The following MARCHF1 variants were observed in gnomAD, a reference collection of about 807,000 sequenced individuals.
MARCHF1 encodes the protein membrane associated ring-CH-type finger 1.
In MARCHF1, 40 loss-of-function variants were observed where a neutral mutation model predicts 54.2. The ratio of observed to expected loss-of-function variants is 0.74; its 90% CI spans 0.57 to 0.96. MARCHF1 has a LOEUF of 0.96. MARCHF1 is among the 40% of genes least tolerant of loss of function. The pLI is 0.00. For missense variants in MARCHF1, 586 were observed against 656.5 expected (o/e 0.89, Z 1.17); for synonymous variants, 236 against 236.3 (o/e 1.00, Z 0.01).
chr4:163,850,084 T>C (rs908808610), intron 4 of MARCHF1, among the ~76,000 whole-genome samples: 2 of 152,208 alleles, frequency 1.3e-5, no homozygotes, highest in Non-Finnish European at 2.9e-5. Flanking sequence ...GTTTATCCTG[T>C]TTCTGTCAGT....
At chr4:163,937,105 G>A (rs866024413) in intron 3 of MARCHF1, among the ~76,000 whole-genome samples, 6 of 152,096 alleles carry the variant, frequency 3.9e-5, no homozygotes, top group Non-Finnish European at 7.4e-5. Context: ...GTCTAGTGAT[G>A]TTCAGTAGTC....
intron 1 of MARCHF1, among the ~76,000 whole-genome samples, chr4:164,253,369 T>G (rs1733179548): frequency 6.6e-6 from 1 of 152,130 alleles, no homozygotes; most frequent in Admixed American, 6.6e-5. Context: ...TATATTCCAC[T>G]GAGTAGAAAA....
intron 2 of MARCHF1, among the ~76,000 whole-genome samples, chr4:164,029,568 C>CATAT (rs70948691): frequency 1.8e-3 from 272 of 151,150 alleles, no homozygotes; most frequent in Middle Eastern, 3.4e-3. Flanking sequence ...ATTAAATTGA[C>CATAT]ATATATATAT....
chr4:163,852,697 C>T (rs570640225), intron 4 of MARCHF1, among the ~76,000 whole-genome samples: 3 of 152,154 alleles, frequency 2.0e-5, no homozygotes, highest in Non-Finnish European at 4.4e-5. Flanking sequence ...CCTCACTTCT[C>T]TTTCTATGTT....
rs1269186698 is a variant in MARCHF1 at position 164,197,426 on chromosome 4, T to C, written c.-322-85764A>G. On this transcript the variant is annotated intron_variant, in intron 1 of 9. Coordinates refer to ENST00000514618, the MANE Select transcript of MARCHF1 (RefSeq NM_001394959.1). ...GGCTCTATTGTGCTGAGGTCTTTAA[T>C]TTTGTTGCCACTTAAATATAGATGC... The C allele has an allele frequency of 5.0e-6, 8 of 1,613,418 alleles. No homozygotes were observed. The Admixed American group carries it at 6.7e-5, about 13-fold the overall frequency.
intron 5 of MARCHF1, among the ~76,000 whole-genome samples, chr4:163,688,197 G>A (rs1730569067): frequency 6.6e-6 from 1 of 151,376 alleles, no homozygotes. Context: ...GGACTCAATT[G>A]TAACAAAAAA....
intron 5 of MARCHF1, among the ~76,000 whole-genome samples, chr4:163,621,637 A>G (rs1336534539): frequency 6.6e-6 from 1 of 152,160 alleles, no homozygotes; most frequent in African/African-American, 2.4e-5. Flanking sequence ...TTTTACTACA[A>G]TCTATAGAGA....
chr4:163,739,916 A>G (rs553987868), intron 4 of MARCHF1, among the ~76,000 whole-genome samples: 49 of 152,316 alleles, frequency 3.2e-4, no homozygotes, highest in African/African-American at 1.2e-3. Context: ...TCTCTTTGAG[A>G]GGGCATTCCA....
intron 4 of MARCHF1, among the ~76,000 whole-genome samples, chr4:163,851,433 C>T (rs1314184391): frequency 6.6e-6 from 1 of 152,088 alleles, no homozygotes; most frequent in Admixed American, 6.6e-5. Flanking sequence ...CTATGCTTCT[C>T]TTTTATATTG....
At chr4:163,666,280 T>C (rs1037569158) in intron 5 of MARCHF1, among the ~76,000 whole-genome samples, 1 of 152,128 alleles carries the variant, frequency 6.6e-6, no homozygotes, top group Non-Finnish European at 1.5e-5. Context: ...TATAATAATA[T>C]ATATTTTTTC....
intron 3 of MARCHF1, among the ~76,000 whole-genome samples, chr4:163,943,782 C>T (rs1290832828): frequency 6.7e-6 from 1 of 149,522 alleles, no homozygotes; most frequent in Admixed American, 6.6e-5. Context: ...ACCACACCTC[C>T]ATCCCTGGGC....
chr4:163,895,057 A>G (rs1750775653), intron 3 of MARCHF1, among the ~76,000 whole-genome samples: 1 of 151,836 alleles, frequency 6.6e-6, no homozygotes. Flanking sequence ...TATGCATGTG[A>G]TGCATAAATA....
intron 2 of MARCHF1, among the ~76,000 whole-genome samples, chr4:164,102,671 TA>T (rs1755593326): frequency 6.6e-6 from 1 of 151,618 alleles, no homozygotes; most frequent in Non-Finnish European, 1.5e-5. Flanking sequence ...TGCCAAAATG[TA>T]AAGACCATCG....
At chr4:163,794,832 A>G (rs186071371) in intron 4 of MARCHF1, among the ~76,000 whole-genome samples, 1 of 152,292 alleles carries the variant, frequency 6.6e-6, no homozygotes, top group African/African-American at 2.4e-5. Context: ...AACAGAACAC[A>G]TGAACATAAA....
chr4:163,980,172 T>C (rs1316467464), intron 3 of MARCHF1, among the ~76,000 whole-genome samples: 2 of 140,908 alleles, frequency 1.4e-5, no homozygotes, highest in East Asian at 2.0e-4. Flanking sequence ...AACAGAGATA[T>C]AGATCAATGG....
At chr4:164,181,564 G>A (rs974964894) in intron 1 of MARCHF1, among the ~76,000 whole-genome samples, 3 of 152,100 alleles carry the variant, frequency 2.0e-5, no homozygotes, top group African/African-American at 7.2e-5. Context: ...AAAACCCCCT[G>A]AAATAGTACC....
At chr4:163,642,743 T>G (rs190800336) in intron 5 of MARCHF1, among the ~76,000 whole-genome samples, 94 of 152,260 alleles carry the variant, frequency 6.2e-4, no homozygotes, top group African/African-American at 2.2e-3. Context: ...AGCTATAGGT[T>G]TCTGAGTCTG....
At chr4:163,763,233 G>A (rs13127646) in intron 4 of MARCHF1, among the ~76,000 whole-genome samples, 45,117 of 151,778 alleles carry the variant, frequency 0.3, 8,419 homozygotes, top group Non-Finnish European at 0.42. Context: ...AGAGGTAAAC[G>A]TGATCATGAC....
Position 164,048,098 on chromosome 4 carries a change from T to C in MARCHF1, c.-247-59389A>G, listed in dbSNP as rs560950194. ...ACATACATATAACATGTTAATAAAA[T>C]TAAATTGTAAGTAAAATAGTTCCTA... On this transcript the variant is annotated intron_variant, in intron 2 of 9. Transcript: ENST00000514618. Among the ~76,000 whole-genome samples, 7 of 152,282 alleles carry C rather than the reference T, an allele frequency of 4.6e-5. No homozygotes were observed. In the East Asian group the frequency reaches 1.3e-3, roughly 29 times the overall value.
Sources: allele counts gnomAD v4.1 joint callset (sites outside exome capture counted in the v4.1 genomes callset), GRCh38; gene constraint gnomAD v4.1.1; transcripts MANE v1.5; gene names NCBI Gene and HGNC (gene_info 2026-07-23, HGNC 2026-07-21).